OVCH1: variants seen among roughly 807,000 people sequenced by gnomAD.
OVCH1 encodes ovochymase-1.
Under a neutral mutation model 138.4 loss-of-function variants are expected in OVCH1, and 139 were observed. The ratio of observed to expected loss-of-function variants is 1.00; its 90% CI spans 0.87 to 1.16. OVCH1 has a LOEUF of 1.16. OVCH1 is among the 50% of genes most tolerant of loss of function. The pLI is 0.00. For missense variants in OVCH1, 1,367 were observed against 1,357.9 expected (o/e 1.01, Z -0.11); for synonymous variants, 453 against 467.8 (o/e 0.97, Z 0.41).
chr12:29,478,106 G>C (rs1000576833), intron 9 of OVCH1, among the ~76,000 whole-genome samples: 2 of 152,168 alleles, frequency 1.3e-5, no homozygotes, highest in Admixed American at 6.5e-5. Flanking sequence ...GTCTATACCA[G>C]CTGTGGAGAG....
Position 29,475,063 on chromosome 12 carries a change from G to A in OVCH1, c.1598C>T (p.Ser533Leu), listed in dbSNP as rs369162411. The A allele has an allele frequency of 2.0e-5, 32 of 1,583,828 alleles. No homozygotes were observed. In the African/African-American group the frequency reaches 4.0e-4, roughly 20 times the overall value. Residue 533 changes from serine to leucine, a missense_variant and splice_region_variant, in exon 14 of 28, where the codon TCA (serine) becomes TTA (leucine). Ser to Leu is a moderately radical substitution (Grantham distance 145, BLOSUM62 -2). Transcript: ENST00000318184. ...ATTACACAAATGTTTATACTCACCT[G>A]AGGGCAAAATGGTAAATCTGGCCTT...
chr12:29,427,734 C>T lies in OVCH1; in HGVS notation c.3328-86G>A, dbSNP rs145379511. The T allele has an allele frequency of 2.4e-4, 353 of 1,497,500 alleles. 1 individual carries two copies. In the African/African-American group the frequency reaches 4.1e-3, roughly 17 times the overall value. The allele number at this position is 1,497,500 out of a possible 1,614,324, so 92.8% of individuals were successfully genotyped here. ...TTGAATGGGGTGATAGCCTAGCTAA[C>T]GGGGAAGCCAGGAGAGTAGCAACAG... On this transcript the variant is annotated intron_variant, in intron 27 of 27. Coordinates refer to ENST00000318184, the Ensembl canonical transcript of OVCH1.
In OVCH1 at chr12:29,464,482, G is replaced by A. The variant is rs770003070; in HGVS notation, c.2125+25C>T. ...TTCAAAAATAACAACTGGCATTAAT[G>A]TTTATGCAACAAAAATATGCTTACC... On this transcript the variant is annotated intron_variant, in intron 18 of 27. Coordinates refer to ENST00000318184, the Ensembl canonical transcript of OVCH1. The A allele has an allele frequency of 1.4e-5, 22 of 1,608,430 alleles. No homozygotes were observed. In the African/African-American group the frequency reaches 2.1e-4, roughly 16 times the overall value.
chr12:29,495,052 A>T (rs988113106), intron 4 of OVCH1, among the ~76,000 whole-genome samples: 2 of 151,958 alleles, frequency 1.3e-5, no homozygotes, highest in African/African-American at 4.8e-5. Flanking sequence ...AATGGAAATA[A>T]ATGAAAGGGA....
chr12:29,420,367 T>C (rs892828227), intron 3 of OVCH1, among the ~76,000 whole-genome samples: 1 of 152,194 alleles, frequency 6.6e-6, no homozygotes, highest in Admixed American at 6.5e-5. Flanking sequence ...CTAGGTGATA[T>C]GTTCAGAAGC....
intron 23 of OVCH1, 34 bp downstream of exon 23, chr12:29,445,244 A>G: frequency 1.9e-6 from 3 of 1,561,130 alleles, no homozygotes; most frequent in Non-Finnish European, 2.6e-6. Flanking sequence ...TGATTTCTTT[A>G]GCCTTTACAA....
chr12:29,454,889 G>C, exon 21 of OVCH1: 1 of 1,612,838 alleles, frequency 6.2e-7, no homozygotes, highest in Non-Finnish European at 8.5e-7. Flanking sequence ...GGCAATTGTT[G>C]TTTTAAGGTT....
At chr12:29,488,420 C>A (rs772019691) in intron 6 of OVCH1, among the ~76,000 whole-genome samples, 4 of 151,782 alleles carry the variant, frequency 2.6e-5, no homozygotes, top group Non-Finnish European at 4.4e-5. Context: ...AGTTCGAGAC[C>A]AGCCTGACCA....
intron 15 of OVCH1, among the ~76,000 whole-genome samples, chr12:29,472,496 T>C (rs923571517): frequency 2.0e-5 from 3 of 152,182 alleles, no homozygotes; most frequent in Admixed American, 6.5e-5. Flanking sequence ...ATGAGACCCA[T>C]AGCCCAAGCA....
the OVCH1 span, among the ~76,000 whole-genome samples, chr12:29,407,334 G>A: frequency 7.5e-6 from 1 of 133,772 alleles, no homozygotes; most frequent in African/African-American, 2.5e-5. Flanking sequence ...GTCAATTTTG[G>A]CTTTTGTTGC....
chr12:29,472,074 T>G, intron 15 of OVCH1, 92 bp from the exon 16 acceptor site: 1 of 1,253,948 alleles, frequency 8.0e-7, no homozygotes, highest in Non-Finnish European at 1.1e-6. Flanking sequence ...GTAGTGATTC[T>G]CAAACATCAG....
intron 6 of OVCH1, 100 bp downstream of exon 6, chr12:29,489,520 G>T: frequency 7.7e-7 from 1 of 1,299,172 alleles, no homozygotes; most frequent in Non-Finnish European, 1.0e-6. Context: ...AAAGAATTTT[G>T]ACACAGTAAT....
chr12:29,485,326 A>G (rs1943060176), intron 8 of OVCH1, among the ~76,000 whole-genome samples: 1 of 150,840 alleles, frequency 6.6e-6, no homozygotes, highest in African/African-American at 2.4e-5. Context: ...TTAAAAAAAA[A>G]AAAAAAAAAA....
chr12:29,476,131 C>A, intron 13 of OVCH1, 75 bp downstream of exon 13: 5 of 1,207,594 alleles, frequency 4.1e-6, no homozygotes, highest in Non-Finnish European at 6.2e-6. Context: ...TTCTGGTACC[C>A]AAGGAAGCCA....
chr12:29,417,469 A>AAAG (rs1335749976), intron 3 of OVCH1, among the ~76,000 whole-genome samples: 3 of 150,124 alleles, frequency 2.0e-5, no homozygotes, highest in East Asian at 2.0e-4. Flanking sequence ...TCAAAAAAAA[A>AAAG]AAAAAAAAAA....
At chr12:29,490,140 T>C (rs1943235110) in intron 5 of OVCH1, among the ~76,000 whole-genome samples, 1 of 152,222 alleles carries the variant, frequency 6.6e-6, no homozygotes, top group Non-Finnish European at 1.5e-5. Flanking sequence ...CAAGGCTCAC[T>C]GTAGCCTCAA....
intron 19 of OVCH1, among the ~76,000 whole-genome samples, chr12:29,460,816 C>T: frequency 6.6e-6 from 1 of 151,980 alleles, no homozygotes; most frequent in East Asian, 1.9e-4. Context: ...CTAAAACAGA[C>T]CATTGTACCA....
At chr12:29,437,659 A>G (rs1243250667) in intron 26 of OVCH1, among the ~76,000 whole-genome samples, 4 of 152,218 alleles carry the variant, frequency 2.6e-5, no homozygotes, top group Non-Finnish European at 5.9e-5. Context: ...CCTCTTTAGT[A>G]AAGAGATGGC....
At chr12:29,454,340 T>C (rs1437163248) in intron 21 of OVCH1, among the ~76,000 whole-genome samples, 1 of 152,184 alleles carries the variant, frequency 6.6e-6, no homozygotes, top group Non-Finnish European at 1.5e-5. Context: ...CCAAGAGTGA[T>C]AATAAAATAG....
Sources: allele counts gnomAD v4.1 joint callset (sites outside exome capture counted in the v4.1 genomes callset), GRCh38; gene constraint gnomAD v4.1.1; transcripts MANE v1.5; gene names NCBI Gene and HGNC (gene_info 2026-07-23, HGNC 2026-07-21).